The following ZC3H3 variants were observed in gnomAD, a reference collection of about 807,000 sequenced individuals.
ZC3H3 encodes zinc finger CCCH domain-containing protein 3.
ZC3H3 carries 36 observed loss-of-function variants against 77.3 expected under a neutral mutation model. That is an observed-to-expected ratio of 0.47 (90% CI 0.36 to 0.61). The LOEUF (loss-of-function observed/expected upper bound fraction) is 0.61, where lower values mean the gene tolerates loss of function less well. Ranked by LOEUF, ZC3H3 falls within the 20% of genes least tolerant of loss-of-function variation. The probability of loss-of-function intolerance (pLI) is 0.00; values close to 1 mark genes in which losing one functional copy is unlikely to be tolerated. For missense variants in ZC3H3, 1,331 were observed against 1,312.2 expected (o/e 1.01, Z -0.22); for synonymous variants, 626 against 555.2 (o/e 1.13, Z -1.79).
At chr8:143,500,607 C>T (rs1272757370) in intron 4 of ZC3H3, among the ~76,000 whole-genome samples, 1 of 152,216 alleles carries the variant, frequency 6.6e-6, no homozygotes, top group East Asian at 1.9e-4. Context: ...GCTGAGAGAT[C>T]CAAGAGCATG....
In ZC3H3 at chr8:143,538,551, C is replaced by A. The variant is rs754041575; in HGVS notation, c.816G>T (p.Gln272His). 1 of 1,611,666 alleles carries A rather than the reference C, an allele frequency of 6.2e-7. No individual in the cohort carries two copies. The highest frequency in any genetic ancestry group is 8.5e-7 in the Non-Finnish European group (1 of 1,180,012). The change falls in exon 2 of 12, where the codon CAG (glutamine) becomes CAT (histidine). Residue 272 changes from glutamine to histidine, a missense_variant. Coordinates refer to ENST00000262577, the MANE Select transcript of ZC3H3 (RefSeq NM_015117.3). ...CCCCCACTGAGCCAGACGGAACTGG[C>A]TGATCTGTGTGGCCAGCATCTACTC... is the stretch of plus-strand genomic sequence containing the variant. ...DRRVDAGHTD[Q>H]PVPSGSVGGP...
intron 3 of ZC3H3, among the ~76,000 whole-genome samples, chr8:143,508,388 ACCT>A (rs1821773173): frequency 1.3e-5 from 2 of 151,980 alleles, no homozygotes; most frequent in African/African-American, 2.4e-5. Flanking sequence ...TGGAGCACTC[ACCT>A]CCTCAAGCGG....
intron 9 of ZC3H3, among the ~76,000 whole-genome samples, chr8:143,457,744 A>G (rs893067207): frequency 1.3e-5 from 2 of 152,144 alleles, no homozygotes; most frequent in African/African-American, 4.8e-5. Context: ...ATATGCACCT[A>G]TAGTCCCACC....
Position 143,538,868 on chromosome 8 carries a change from G to T in ZC3H3, c.499C>A (p.Pro167Thr), listed in dbSNP as rs768569769. The T allele has an allele frequency of 6.2e-7, 1 of 1,612,434 alleles. No individual in the cohort carries two copies. Among genetic ancestry groups the T allele is most frequent in the African/African-American group, 1.3e-5 (1 of 74,932 alleles). ...CTCGAGGGCTGCAGCTGTCCCCGAG[G>T]GGGCTCACCTTCACCTTCCCGGGGC... is the stretch of plus-strand genomic sequence containing the variant. ...QRPREGEGEP[P>T]RGQLQPSRPT... Residue 167 changes from proline to threonine, a missense_variant, in exon 2 of 12, where the codon CCT becomes ACT. Coordinates refer to ENST00000262577, the MANE Select transcript of ZC3H3 (RefSeq NM_015117.3).
intron 4 of ZC3H3, chr8:143,485,082 G>C: frequency 3.6e-6 from 1 of 274,578 alleles, no homozygotes; most frequent in Non-Finnish European, 7.3e-6. Flanking sequence ...AACATACAAA[G>C]AAGAGAAGCC....
intron 11 of ZC3H3, among the ~76,000 whole-genome samples, chr8:143,439,644 G>C (rs1819674203): frequency 6.6e-6 from 1 of 152,222 alleles, no homozygotes; most frequent in South Asian, 2.1e-4. Flanking sequence ...GCCCTCAGCT[G>C]GGGCAGACTG....
intron 9 of ZC3H3, among the ~76,000 whole-genome samples, chr8:143,444,451 G>T (rs952466706): frequency 6.6e-6 from 1 of 152,148 alleles, no homozygotes; most frequent in Non-Finnish European, 1.5e-5. Flanking sequence ...CTCATGAAAA[G>T]AATGCAAAAA....
At chr8:143,444,604 AAAGAG>A (rs1365287306) in intron 9 of ZC3H3, among the ~76,000 whole-genome samples, 1 of 152,278 alleles carries the variant, frequency 6.6e-6, no homozygotes, top group East Asian at 1.9e-4. Context: ...TAACAGGTTA[AAAGAG>A]AAGAATCATA....
chr8:143,529,143 T>C (rs1300621720), intron 3 of ZC3H3, among the ~76,000 whole-genome samples: 2 of 152,134 alleles, frequency 1.3e-5, no homozygotes, highest in African/African-American at 4.8e-5. Context: ...TGGGCCTGGT[T>C]GGAGCAAGCC....
chr8:143,478,740 C>T (rs1820819798), intron 4 of ZC3H3, among the ~76,000 whole-genome samples: 1 of 152,232 alleles, frequency 6.6e-6, no homozygotes, highest in Admixed American at 6.5e-5. Flanking sequence ...GAACTCCTGA[C>T]CTCAGGTGAT....
rs183681711 is a variant in ZC3H3 at position 143,532,243 on chromosome 8, G to A, written c.1561+4014C>T. The stretch of plus-strand genomic sequence containing the variant: ...GGAAATTACGCGATTACCAAAAAAG[G>A]GTGGACGGAGGCGATAGGAGGGGCA... On this transcript the variant is annotated intron_variant, in intron 3 of 11. Transcript: ENST00000262577. Among the ~76,000 whole-genome samples the A allele has an allele frequency of 8.7e-3, 1,327 of 152,020 alleles. 9 individuals carry two copies. Among genetic ancestry groups the A allele is most frequent in the Non-Finnish European group, 0.012 (833 of 67,966 alleles).
chr8:143,484,781 G>T, intron 4 of ZC3H3: 1 of 380,116 alleles, frequency 2.6e-6, no homozygotes, highest in Non-Finnish European at 5.2e-6. Context: ...AGGCCCTCAA[G>T]GACCCCTCAG....
At chr8:143,472,593 G>C (rs1238783562) in intron 5 of ZC3H3, among the ~76,000 whole-genome samples, 1 of 152,192 alleles carries the variant, frequency 6.6e-6, no homozygotes, top group East Asian at 1.9e-4. Context: ...AGGGGGCCAA[G>C]TGCAAACCTG....
rs143963621 is a variant in ZC3H3, at chr8:143,450,189, A to C, written c.2308-9069T>G. Among the ~76,000 whole-genome samples the C allele has an allele frequency of 8.2e-4, 125 of 152,244 alleles. 4 individuals carry two copies. The South Asian group carries it at 0.026, about 31-fold the overall frequency. ...ATAAATACCTCAGACTGGGTAATTT[A>C]TTTCTTTATTGAGACGGTGTCTTAC... On this transcript the variant is annotated intron_variant, in intron 9 of 11. Transcript: ENST00000262577.
At chr8:143,491,663 C>T (rs924139050) in intron 4 of ZC3H3, among the ~76,000 whole-genome samples, 2 of 152,250 alleles carry the variant, frequency 1.3e-5, no homozygotes, top group Non-Finnish European at 1.5e-5. Context: ...CCTGGACTCA[C>T]GGGTCCCTCT....
intron 1 of ZC3H3, among the ~76,000 whole-genome samples, chr8:143,540,721 C>T (rs1822983195): frequency 6.6e-6 from 1 of 151,454 alleles, no homozygotes; most frequent in Admixed American, 6.6e-5. Flanking sequence ...TTTGGGAGGC[C>T]GAGGCGGGTG....
chr8:143,540,431 T>C (rs1241543750), intron 1 of ZC3H3, among the ~76,000 whole-genome samples: 4 of 152,216 alleles, frequency 2.6e-5, no homozygotes, highest in Non-Finnish European at 5.9e-5. Context: ...GCTCTCGTCA[T>C]GTTGCCCAGG....
intron 4 of ZC3H3, among the ~76,000 whole-genome samples, chr8:143,485,905 C>G (rs1447411655): frequency 6.6e-6 from 1 of 152,270 alleles, no homozygotes; most frequent in Non-Finnish European, 1.5e-5. Context: ...CCCACACCCC[C>G]CAGCATGGCA....
chr8:143,518,318 G>A (rs1822127265), intron 3 of ZC3H3, among the ~76,000 whole-genome samples: 1 of 152,206 alleles, frequency 6.6e-6, no homozygotes, highest in African/African-American at 2.4e-5. Flanking sequence ...AAGGTCAGTG[G>A]AACAGATCTG....
Sources: gnomAD v4.1 joint callset for allele counts (sites outside exome capture counted in the v4.1 genomes callset) on GRCh38, gnomAD v4.1.1 for gene constraint, MANE v1.5 for transcripts, NCBI Gene and HGNC (gene_info 2026-07-23, HGNC 2026-07-21) for gene names.